Variants in ASH1L observed in about 807,000 individuals in gnomAD.
The protein encoded by ASH1L is ASH1 like histone lysine methyltransferase, also known as histone-lysine N-methyltransferase ASH1L.
ASH1L carries 23 observed loss-of-function variants against 269.0 expected under a neutral mutation model. The ratio of observed to expected loss-of-function variants is 0.09; its 90% confidence interval spans 0.06 to 0.12. ASH1L has a LOEUF of 0.12. Among genes scored for constraint, ASH1L ranks in the 10% least tolerant of loss-of-function variants. ASH1L has a pLI of 1.00. For synonymous variants in ASH1L, 1,187 were observed against 1,253.5 expected, an observed-to-expected ratio of 0.95 and a Z score of 1.12; for missense variants, 2,912 against 3,567.8, an observed-to-expected ratio of 0.82 and a Z score of 4.68.
At chr1:155,340,319 A>G (rs1296945387) in intron 25 of ASH1L, among the ~76,000 whole-genome samples, 2 of 151,980 alleles carry the variant, frequency 1.3e-5, no homozygotes, top group Non-Finnish European at 2.9e-5. Flanking sequence ...AGTAACTGGG[A>G]TTACAGGTGC....
chr1:155,383,676 C>T (rs1657170767), intron 7 of ASH1L, among the ~76,000 whole-genome samples: 1 of 152,154 alleles, frequency 6.6e-6, no homozygotes, highest in Admixed American at 6.6e-5. Context: ...ACCTTAAAGA[C>T]ATTATGCTAA....
intron 5 of ASH1L, among the ~76,000 whole-genome samples, chr1:155,425,541 C>T (rs1396178016): frequency 8.7e-5 from 13 of 149,514 alleles, no homozygotes; most frequent in Non-Finnish European, 1.6e-4. Flanking sequence ...TGGGTTCAAG[C>T]GATTCTCCTG....
intron 1 of ASH1L, among the ~76,000 whole-genome samples, chr1:155,555,847 G>T (rs1001835991): frequency 1.3e-5 from 2 of 151,998 alleles, no homozygotes; most frequent in Admixed American, 1.3e-4. Flanking sequence ...TAACTATGAA[G>T]GAGTAATTCC....
chr1:155,441,295 C>T (rs983775747), intron 4 of ASH1L, among the ~76,000 whole-genome samples: 1 of 151,602 alleles, frequency 6.6e-6, no homozygotes, highest in African/African-American at 2.4e-5. Context: ...CTCTCTATCT[C>T]CACCCCCCAC....
Position 155,337,509 on chromosome 1 carries a change from A to T in ASH1L, c.*151T>A. 1 of 664,232 alleles carries T rather than the reference A, an allele frequency of 1.5e-6. No individual in the cohort carries two copies. Among genetic ancestry groups the T allele is most frequent in the East Asian group, 2.6e-5 (1 of 38,710 alleles). The allele number at this position is 664,232 out of a possible 1,614,324, so 41.1% of individuals were successfully genotyped here. A position where few individuals can be genotyped will look rare whatever the true frequency, so the allele number is the denominator to read the frequency against. On this transcript the variant is annotated 3_prime_UTR_variant, in exon 28 of 28. Transcript: ENST00000392403. The stretch of plus-strand genomic sequence containing the variant: ...TTTCCTCTCCCTCTCCACTAGCTCC[A>T]AGGCTTATTAAGTACCTAATGTCAA...
intron 10 of ASH1L, among the ~76,000 whole-genome samples, chr1:155,373,839 T>C (rs980445491): frequency 1.3e-5 from 2 of 152,010 alleles, no homozygotes; most frequent in African/African-American, 2.4e-5. Flanking sequence ...AGTTGATGTT[T>C]TGTATTTTTA....
At chr1:155,357,203 T>C in intron 15 of ASH1L, 113 bp downstream of exon 15, 2 of 730,420 alleles carry the variant, frequency 2.7e-6, no homozygotes, top group South Asian at 2.0e-5. Context: ...CCTGAACCCT[T>C]TGGCTTAAGA....
intron 5 of ASH1L, among the ~76,000 whole-genome samples, chr1:155,430,137 G>C (rs531648437): frequency 6.6e-6 from 1 of 152,110 alleles, no homozygotes; most frequent in South Asian, 2.1e-4. Flanking sequence ...CACCACACTT[G>C]GCTGATTTTT....
intron 1 of ASH1L, among the ~76,000 whole-genome samples, chr1:155,542,950 C>T (rs1157320530): frequency 6.6e-6 from 1 of 151,756 alleles, no homozygotes; most frequent in African/African-American, 2.4e-5. Context: ...GGATTACAGG[C>T]GTGAGCCACC....
At chr1:155,524,744 G>A (rs1459289516) in intron 1 of ASH1L, among the ~76,000 whole-genome samples, 2 of 151,994 alleles carry the variant, frequency 1.3e-5, no homozygotes, top group Middle Eastern at 3.2e-3. Context: ...AGAGGCCGAG[G>A]TGGGAAGATG....
intron 3 of ASH1L, among the ~76,000 whole-genome samples, chr1:155,471,756 AC>A (rs1570914379): frequency 1.3e-5 from 2 of 152,282 alleles, no homozygotes; most frequent in African/African-American, 4.8e-5. Flanking sequence ...AGGGGGTTGC[AC>A]GAAGTTGCAA....
intron 4 of ASH1L, among the ~76,000 whole-genome samples, chr1:155,453,918 C>T (rs960216707): frequency 6.6e-6 from 1 of 152,118 alleles, no homozygotes; most frequent in African/African-American, 2.4e-5. Context: ...CTGGCTAACA[C>T]GGTGAAACCC....
At chr1:155,406,146 G>C (rs1659269236) in intron 6 of ASH1L, among the ~76,000 whole-genome samples, 2 of 149,540 alleles carry the variant, frequency 1.3e-5, no homozygotes, top group African/African-American at 4.9e-5. Context: ...GAAGGTTGCA[G>C]TGAGCTAAGA....
intron 5 of ASH1L, among the ~76,000 whole-genome samples, chr1:155,417,810 T>C (rs1034454685): frequency 5.3e-5 from 8 of 151,778 alleles, no homozygotes; most frequent in African/African-American, 1.9e-4. Flanking sequence ...AATACAAAAT[T>C]AGGCGGGTGT....
chr1:155,534,976 G>A (rs1669949344), intron 1 of ASH1L, among the ~76,000 whole-genome samples: 2 of 152,114 alleles, frequency 1.3e-5, no homozygotes, highest in South Asian at 4.1e-4. Context: ...GATCACCTGA[G>A]GTCAGGAGCA....
At chr1:155,448,724 T>C (rs762586912) in intron 4 of ASH1L, among the ~76,000 whole-genome samples, 8 of 152,118 alleles carry the variant, frequency 5.3e-5, no homozygotes, top group Non-Finnish European at 8.8e-5. Flanking sequence ...CTCAAACTCC[T>C]GACCTGGTCA....
intron 12 of ASH1L, among the ~76,000 whole-genome samples, chr1:155,362,062 A>G (rs1269473736): frequency 1.3e-5 from 2 of 151,830 alleles, no homozygotes. Context: ...TTTGAGACAT[A>G]GTCTTGCTCT....
At chr1:155,433,173 C>T in intron 5 of ASH1L, 1 of 1,522,528 alleles carries the variant, frequency 6.6e-7, no homozygotes, top group Admixed American at 2.2e-5. Context: ...GGGCGCCTTC[C>T]TTCCCCATGG....
At chr1:155,521,767 A>G in intron 1 of ASH1L, 149 bp from the exon 2 acceptor site, 2 of 448,584 alleles carry the variant, frequency 4.5e-6, no homozygotes, top group Non-Finnish European at 7.8e-6. Context: ...ATAGATGTAA[A>G]TCCATTTAGT....
Sources: gnomAD v4.1 joint callset for allele counts (sites outside exome capture counted in the v4.1 genomes callset) on GRCh38, gnomAD v4.1.1 for gene constraint, MANE v1.5 for transcripts, NCBI Gene and HGNC (gene_info 2026-07-23, HGNC 2026-07-21) for gene names.